The following RNF144A variants were observed in gnomAD, a reference collection of about 807,000 sequenced individuals.
RNF144A encodes the protein E3 ubiquitin-protein ligase RNF144A.
A neutral mutation model predicts 38.7 loss-of-function variants in RNF144A; 11 were observed. The ratio of observed to expected loss-of-function variants is 0.28; its 90% CI spans 0.18 to 0.47. The LOEUF (loss-of-function observed/expected upper bound fraction) is 0.47, where lower values mean the gene tolerates loss of function less well. Among genes scored for constraint, RNF144A ranks in the 20% least tolerant of loss-of-function variants. The pLI is 0.99. For synonymous variants in RNF144A, 149 were observed against 143.9 expected, an observed-to-expected ratio of 1.04 and a Z score of -0.25; for missense variants, 316 against 377.2, an observed-to-expected ratio of 0.84 and a Z score of 1.34.
intron 8 of RNF144A, 109 bp from the exon 9 acceptor site, chr2:7,039,520 G>GTGGA (rs530628262): frequency 9.7e-5 from 148 of 1,523,008 alleles, no homozygotes; most frequent in East Asian, 1.4e-4. Context: ...GGATGGTTGG[G>GTGGA]TGGATGGATG....
chr2:7,043,831 C>A lies in RNF144A; in HGVS notation c.*4071C>A. On this transcript the variant is annotated 3_prime_UTR_variant, in exon 9 of 9. Transcript: ENST00000320892. Reference sequence around the variant, plus strand: ...CCTGCCCTTTCTTTCCTTCTTTGCTCACTTTACTATGGGTGTATTTTAATC... The same window carrying A: ...CCTGCCCTTTCTTTCCTTCTTTGCTAACTTTACTATGGGTGTATTTTAATC... The A allele has an allele frequency of 1.0e-6, 1 of 985,774 alleles. No individual in the cohort carries two copies. Among genetic ancestry groups the A allele is most frequent in the Non-Finnish European group, 1.2e-6 (1 of 829,920 alleles). The allele number at this position is 985,774 out of a possible 1,614,324, so 61.1% of individuals were successfully genotyped here.
intron 2 of RNF144A, among the ~76,000 whole-genome samples, chr2:6,979,659 G>T (rs1668515611): frequency 6.6e-6 from 1 of 152,116 alleles, no homozygotes; most frequent in East Asian, 1.9e-4. Flanking sequence ...AGGCTCCACA[G>T]AAGCCTCCAG....
chr2:6,949,839 A>T (rs1193173615), intron 2 of RNF144A, among the ~76,000 whole-genome samples: 1 of 152,248 alleles, frequency 6.6e-6, no homozygotes, highest in Non-Finnish European at 1.5e-5. Context: ...TTTTAAAAAT[A>T]AATATACATA....
At chr2:7,058,803 T>C (rs1361678737) in intron 6 of RNF144A, among the ~76,000 whole-genome samples, 1 of 152,226 alleles carries the variant, frequency 6.6e-6, no homozygotes, top group Non-Finnish European at 1.5e-5. Flanking sequence ...TCTCCTATTT[T>C]TGTCCTTGCA....
chr2:6,941,881 A>T lies in RNF144A; in HGVS notation c.-12+734A>T, dbSNP rs974438094. 3.7e-4 allele frequency among the ~76,000 whole-genome samples: 56 copies of T among 152,328 alleles called. No homozygotes were observed. Among genetic ancestry groups the T allele is most frequent in the African/African-American group, 1.3e-3 (55 of 41,574 alleles). ...CACCCAGGCCAGCCTGGCTGGAAGGACTCAGCACAGAGCTGTGAGCTGGGA... is the reference window on the plus strand; with the variant it reads ...CACCCAGGCCAGCCTGGCTGGAAGGTCTCAGCACAGAGCTGTGAGCTGGGA... On this transcript the variant is annotated intron_variant, in intron 2 of 8. Coordinates refer to ENST00000320892, the MANE Select transcript of RNF144A (RefSeq NM_014746.6). The surrounding 1 kb of genome is among the most constrained non-coding windows in gnomAD (Gnocchi z 6.5).
chr2:6,924,015 C>G (rs1184463863), intron 1 of RNF144A, among the ~76,000 whole-genome samples: 1 of 152,154 alleles, frequency 6.6e-6, no homozygotes, highest in Non-Finnish European at 1.5e-5. Flanking sequence ...AAGAGGGAAG[C>G]CTGGAACAGA....
rs573343331 is a variant in RNF144A, at chr2:7,052,432, G to A, written c.735-15784G>A. Among the ~76,000 whole-genome samples, 18 of 152,310 alleles carry A rather than the reference G, an allele frequency of 1.2e-4. No homozygotes were observed. The South Asian group carries it at 2.5e-3, about 21-fold the overall frequency. On this transcript the variant is annotated intron_variant, in intron 6 of 6. Transcript: ENST00000432850. ...GTTCACCTGCTCACAATGAAAATTA[G>A]TGACCCATGAAGCCAGAATATGAGC...
At chr2:6,926,553 G>A (rs1664883511) in intron 1 of RNF144A, among the ~76,000 whole-genome samples, 1 of 152,238 alleles carries the variant, frequency 6.6e-6, no homozygotes, top group African/African-American at 2.4e-5. Flanking sequence ...GGTTGCAGGT[G>A]TGGGGCTATG....
chr2:7,044,048 A>T lies in RNF144A; in HGVS notation c.*4288A>T. The T allele has an allele frequency of 4.1e-6, 4 of 985,868 alleles. No individual in the cohort carries two copies. Among genetic ancestry groups the T allele is most frequent in the Non-Finnish European group, 4.8e-6 (4 of 829,918 alleles). 61.1% of individuals were successfully genotyped at this position (985,868 alleles called of 1,614,324 possible). ...ATGTTGTGTTTTGTACTCTGGAATC[A>T]TATGGAAAAAGTTTGATTTGTAATT... On this transcript the variant is annotated 3_prime_UTR_variant, in exon 9 of 9. Transcript: ENST00000320892.
At chr2:6,936,603 C>T (rs1484930996) in intron 1 of RNF144A, among the ~76,000 whole-genome samples, 1 of 152,136 alleles carries the variant, frequency 6.6e-6, no homozygotes, top group Non-Finnish European at 1.5e-5. Context: ...TAGACACACA[C>T]TTGGTGAAAG....
rs577510387 is a variant in RNF144A at position 6,979,826 on chromosome 2, G to C, written c.-11-17090G>C. On this transcript the variant is annotated intron_variant, in intron 2 of 8. Transcript: ENST00000320892. ...GTTACATGAAGATAATTGAGTTAAT[G>C]TATTAGTTCATTTTCACACTGCTGT... 2.6e-5 allele frequency among the ~76,000 whole-genome samples: 4 copies of C among 152,296 alleles called. No individual in the cohort carries two copies. The East Asian group carries it at 7.7e-4, about 29-fold the overall frequency.
At chr2:7,023,622 A>G (rs1671678691) in intron 6 of RNF144A, among the ~76,000 whole-genome samples, 2 of 152,236 alleles carry the variant, frequency 1.3e-5, no homozygotes, top group African/African-American at 4.8e-5. Flanking sequence ...GGTGAGTCAT[A>G]CCTAATGTCT....
At chr2:7,002,925 A>C (rs968778086) in intron 3 of RNF144A, among the ~76,000 whole-genome samples, 1 of 152,134 alleles carries the variant, frequency 6.6e-6, no homozygotes, top group Non-Finnish European at 1.5e-5. Flanking sequence ...AGCCAGTGAC[A>C]TGGATGATCC....
At chr2:7,074,882 C>T in the RNF144A span, among the ~76,000 whole-genome samples, 13 of 152,158 alleles carry the variant, frequency 8.5e-5, no homozygotes, top group East Asian at 1.2e-3. Flanking sequence ...TTTATTTGAA[C>T]GAGATGGGAT....
At chr2:7,023,352 C>T (rs1435486731) in intron 6 of RNF144A, among the ~76,000 whole-genome samples, 1 of 152,196 alleles carries the variant, frequency 6.6e-6, no homozygotes, top group Non-Finnish European at 1.5e-5. Flanking sequence ...AGAGATCCTT[C>T]AGCCAGAATG....
intron 2 of RNF144A, 97 bp from the exon 3 acceptor site, chr2:6,996,819 C>T (rs1669775281): frequency 5.4e-6 from 7 of 1,306,416 alleles, no homozygotes; most frequent in Admixed American, 2.2e-5. Context: ...AGTTGGCCAC[C>T]TCCCTGGGTC....
At position 6,940,989 on chromosome 2, in the gene RNF144A, C is replaced by T. The variant is rs1665936845; in HGVS notation, c.-170C>T. 6.6e-6 allele frequency: 1 copy of T among 152,402 alleles called. No homozygotes were observed. Among genetic ancestry groups the T allele is most frequent in the African/African-American group, 2.4e-5 (1 of 41,418 alleles). The allele number at this position is 152,402 out of a possible 1,614,324, so 9.4% of individuals were successfully genotyped here. On this transcript the variant is annotated 5_prime_UTR_variant, in exon 2 of 9. Transcript: ENST00000320892. ...TGACTCTGACATGCCCCCAGCCTCC[C>T]CCAGCTCTGCAGGGAGCCCTGGTGC...
intron 2 of RNF144A, among the ~76,000 whole-genome samples, chr2:6,979,831 A>C (rs963629033): frequency 6.6e-6 from 1 of 152,208 alleles, no homozygotes; most frequent in African/African-American, 2.4e-5. Flanking sequence ...TTAATGTATT[A>C]GTTCATTTTC....
At chr2:7,003,799 G>C (rs1670270103) in intron 3 of RNF144A, among the ~76,000 whole-genome samples, 1 of 152,214 alleles carries the variant, frequency 6.6e-6, no homozygotes, top group Non-Finnish European at 1.5e-5. Flanking sequence ...GGCCACTCTG[G>C]GCCTTCCTTG....
Sources: gnomAD v4.1 joint callset for allele counts (sites outside exome capture counted in the v4.1 genomes callset) on GRCh38, gnomAD v4.1.1 for gene constraint, Gnocchi (gnomAD v3.1) non-coding constraint, MANE v1.5 for transcripts, NCBI Gene and HGNC (gene_info 2026-07-23, HGNC 2026-07-21) for gene names.